Variants in PDE10A observed in about 807,000 individuals in gnomAD.
The protein encoded by PDE10A is phosphodiesterase 10A.
A neutral mutation model predicts 97.7 loss-of-function variants in PDE10A; 39 were observed. The observed-to-expected ratio is 0.40, with a 90% CI of 0.31 to 0.52. The LOEUF (loss-of-function observed/expected upper bound fraction) is 0.52. PDE10A is among the 20% of genes least tolerant of loss of function. PDE10A has a pLI of 0.56. For missense variants in PDE10A, 731 were observed against 1,047.8 expected, an observed-to-expected ratio of 0.70 and a Z score of 4.17; for synonymous variants, 371 against 376.8, an observed-to-expected ratio of 0.98 and a Z score of 0.18.
At chr6:165,489,788 G>C (rs1449664848) in intron 2 of PDE10A, among the ~76,000 whole-genome samples, 1 of 152,090 alleles carries the variant, frequency 6.6e-6, no homozygotes. Context: ...GAGACACTTA[G>C]AGAATTGCAA....
rs928133246 is a variant in PDE10A at position 165,661,506 on chromosome 6, G to T, written c.865+441C>A. 6.4e-6 allele frequency: 1 copy of T among 155,328 alleles called. No individual in the cohort carries two copies. Among genetic ancestry groups the T allele is most frequent in the Non-Finnish European group, 1.4e-5 (1 of 70,264 alleles). 9.6% of individuals were successfully genotyped at this position (155,328 alleles called of 1,614,324 possible). On this transcript the variant is annotated intron_variant, in intron 1 of 21. Coordinates refer to ENST00000539869, the MANE Select transcript of PDE10A (RefSeq NM_001385079.1). This position sits in a 1 kb window ranked among gnomAD's most constrained non-coding sequence, Gnocchi z 4.8. ...CCCTCACCCCGGCTACAGGGACCCG[G>T]TGGGCTGGACCCCCAAGTGGAAGGA...
intron 1 of PDE10A, among the ~76,000 whole-genome samples, chr6:165,839,203 G>A (rs1051940480): frequency 7.2e-5 from 11 of 152,204 alleles, no homozygotes. Context: ...TGATAGAATT[G>A]ATGAGTTAAT....
chr6:165,674,174 T>C (rs1229806667), intron 1 of PDE10A, among the ~76,000 whole-genome samples: 4 of 152,080 alleles, frequency 2.6e-5, no homozygotes, highest in Non-Finnish European at 4.4e-5. Flanking sequence ...GGACAAAATA[T>C]AGACTTTTGC....
intron 2 of PDE10A, among the ~76,000 whole-genome samples, chr6:165,484,235 G>C (rs1460040426): frequency 6.6e-6 from 1 of 152,174 alleles, no homozygotes; most frequent in Admixed American, 6.5e-5. Context: ...TAAGCATGTT[G>C]AAGACAGAAA....
chr6:165,569,439 A>G (rs1022814904), intron 1 of PDE10A, among the ~76,000 whole-genome samples: 3 of 152,206 alleles, frequency 2.0e-5, no homozygotes, highest in Non-Finnish European at 2.9e-5. Flanking sequence ...ACATATTCCA[A>G]CCTTTCCAAT....
Position 165,930,993 on chromosome 6 carries a change from G to A in PDE10A, c.-615+56536C>T, listed in dbSNP as rs141237301. ...GTGAAATATGGTGAGACAGCATGGA[G>A]CATTGACGATGCCTGTTAGGAACCT... On this transcript the variant is annotated intron_variant, in intron 1 of 19. Transcript: ENST00000366882. Among the ~76,000 whole-genome samples, 82 of 152,360 alleles carry A rather than the reference G, an allele frequency of 5.4e-4. 1 individual carries two copies. The East Asian group carries it at 0.014, about 26-fold the overall frequency.
rs149040485 is a variant in PDE10A at position 165,935,644 on chromosome 6, G to A, written c.-615+51885C>T. Among the ~76,000 whole-genome samples the A allele has an allele frequency of 1.2e-3, 187 of 152,300 alleles. 1 individual carries two copies. Among genetic ancestry groups the A allele is most frequent in the African/African-American group, 4.3e-3 (180 of 41,546 alleles). On this transcript the variant is annotated intron_variant, in intron 1 of 19. Transcript: ENST00000366882. ...AGAACAAAAGTAGGGTTCATGTGCT[G>A]GAAACTTAAATCCCAATGCAACAGT...
At chr6:165,498,921 T>C (rs1349313355) in intron 2 of PDE10A, among the ~76,000 whole-genome samples, 1 of 152,242 alleles carries the variant, frequency 6.6e-6, no homozygotes, top group East Asian at 1.9e-4. Flanking sequence ...GCAGCTCTAT[T>C]ATGTCTGCAT....
intron 10 of PDE10A, among the ~76,000 whole-genome samples, chr6:165,421,398 G>A (rs1788683445): frequency 6.6e-6 from 1 of 152,172 alleles, no homozygotes; most frequent in Non-Finnish European, 1.5e-5. Flanking sequence ...AGCCATGACT[G>A]AGCCACTGTA....
At chr6:165,530,269 ATGTGTGTGTGTG>A (rs71026692) in intron 2 of PDE10A, among the ~76,000 whole-genome samples, 100,292 of 148,110 alleles carry the variant, frequency 0.68, 37,505 homozygotes, top group Non-Finnish European at 0.83. Flanking sequence ...CTCTTTATAT[ATGTGTGTGTGTG>A]TGTGTGTGTG....
intron 1 of PDE10A, among the ~76,000 whole-genome samples, chr6:165,845,451 C>T (rs1285989238): frequency 6.6e-6 from 1 of 152,140 alleles, no homozygotes; most frequent in African/African-American, 2.4e-5. Context: ...GAGCAGTTCA[C>T]AGGACAGAAC....
chr6:165,747,148 A>C (rs1792861568), intron 1 of PDE10A, among the ~76,000 whole-genome samples: 1 of 152,226 alleles, frequency 6.6e-6, no homozygotes, highest in South Asian at 2.1e-4. Flanking sequence ...AACCAGAGAA[A>C]GTGGTTGACA....
Position 165,477,985 on chromosome 6 carries a change from T to G in PDE10A, c.1023+4330A>C, listed in dbSNP as rs568965862. On this transcript the variant is annotated intron_variant, in intron 3 of 21. Transcript: ENST00000539869. The stretch of plus-strand genomic sequence containing the variant: ...TAGTGCTTGGGTCTTGACTCTTTTC[T>G]CCACAGACAAGCTCTCTAAGAAGTG... Among the ~76,000 whole-genome samples, 8 of 152,280 alleles carry G rather than the reference T, an allele frequency of 5.3e-5. No homozygotes were observed. The South Asian group carries it at 6.2e-4, about 12-fold the overall frequency.
In PDE10A at chr6:165,588,281, C is replaced by CTTTTTTTCTT. The variant is rs1562606454; in HGVS notation, c.866-44714_866-44713insAAGAAAAAAA. Among the ~76,000 whole-genome samples the CTTTTTTTCTT allele has an allele frequency of 5.4e-5, 2 of 37,034 alleles. 1 individual carries two copies. 24.3% of individuals were successfully genotyped at this position (37,034 alleles called of 152,430 possible). On this transcript the variant is annotated intron_variant, in intron 1 of 21. Coordinates refer to ENST00000539869, the MANE Select transcript of PDE10A (RefSeq NM_001385079.1). ...GGGAAATAAAGTGAGATTTTTTTTT[C>CTTTTTTTCTT]TTTTTTTTTTTTTTTTTTTTTTTTT...
At chr6:165,603,918 G>A (rs147133679) in intron 1 of PDE10A, among the ~76,000 whole-genome samples, 48 of 152,316 alleles carry the variant, frequency 3.2e-4, no homozygotes, top group African/African-American at 1.1e-3. Context: ...CTAAAACCAT[G>A]GGACTGATCA....
intron 1 of PDE10A, among the ~76,000 whole-genome samples, chr6:165,959,942 G>GC (rs1158606011): frequency 1.3e-5 from 2 of 152,104 alleles, no homozygotes; most frequent in African/African-American, 4.8e-5. Context: ...AGCTCTCCCT[G>GC]CCCCACTTTA....
In PDE10A at chr6:165,644,669, C is replaced by T. The variant is rs118087024; in HGVS notation, c.865+17278G>A. Among the ~76,000 whole-genome samples, 157 of 152,324 alleles carry T rather than the reference C, an allele frequency of 1.0e-3. No homozygotes were observed. The East Asian group carries it at 0.025, about 24-fold the overall frequency. Reference sequence around the variant, plus strand: ...AAACATCACACTGCATGTACTTCATCAACACAGGCACCTAAACACAGCGTA... The same window carrying T: ...AAACATCACACTGCATGTACTTCATTAACACAGGCACCTAAACACAGCGTA... On this transcript the variant is annotated intron_variant, in intron 1 of 21. Transcript: ENST00000539869.
At chr6:165,641,152 C>T (rs115570547) in intron 1 of PDE10A, among the ~76,000 whole-genome samples, 62 of 151,880 alleles carry the variant, frequency 4.1e-4, no homozygotes, top group African/African-American at 1.4e-3. Context: ...TGAGCAGACA[C>T]GTGGGGGCCA....
chr6:165,878,037 A>G (rs886964387), intron 1 of PDE10A, among the ~76,000 whole-genome samples: 2 of 152,196 alleles, frequency 1.3e-5, no homozygotes, highest in East Asian at 1.9e-4. Context: ...CAGATTGATG[A>G]TCAAGGGGCC....
Sources: gnomAD v4.1 joint callset for allele counts (sites outside exome capture counted in the v4.1 genomes callset) on GRCh38, gnomAD v4.1.1 for gene constraint, Gnocchi (gnomAD v3.1) non-coding constraint, MANE v1.5 for transcripts, NCBI Gene and HGNC (gene_info 2026-07-23, HGNC 2026-07-21) for gene names.